The following SVIL variants were observed in gnomAD, a reference collection of about 807,000 sequenced individuals.
The protein encoded by SVIL is supervillin, also known as archvillin.
SVIL carries 101 observed loss-of-function variants against 240.4 expected under a neutral mutation model. The observed-to-expected ratio is 0.42, with a 90% CI of 0.36 to 0.50. The LOEUF (loss-of-function observed/expected upper bound fraction) is 0.50. Ranked by LOEUF, SVIL falls within the 20% of genes least tolerant of loss-of-function variation. The pLI is 0.01. For synonymous variants in SVIL, 999 were observed against 1,100.0 expected (o/e 0.91, Z 1.82); for missense variants, 2,512 against 2,818.7 (o/e 0.89, Z 2.46).
intron 1 of SVIL, among the ~76,000 whole-genome samples, chr10:29,732,872 A>G (rs1379486379): frequency 1.4e-5 from 2 of 148,082 alleles, no homozygotes; most frequent in African/African-American, 2.5e-5. Context: ...TTTTTTTTTT[A>G]ATTCCTACCA....
chr10:29,659,903 C>A (rs539297551), intron 2 of SVIL, among the ~76,000 whole-genome samples: 2 of 152,306 alleles, frequency 1.3e-5, no homozygotes, highest in Non-Finnish European at 1.5e-5. Flanking sequence ...GTAAGCCTCT[C>A]TTTTTCCCCT....
At chr10:29,691,356 C>T (rs111686276) in intron 1 of SVIL, among the ~76,000 whole-genome samples, 3,171 of 151,950 alleles carry the variant, frequency 0.021, 103 homozygotes, top group African/African-American at 0.073. Flanking sequence ...GGACTACAGG[C>T]GCCCACCACC....
At chr10:29,657,798 G>A (rs1369984397) in intron 3 of SVIL, 2 of 152,126 alleles carry the variant, frequency 1.3e-5, no homozygotes, top group South Asian at 2.1e-4. Context: ...TATGTCTATG[G>A]TTCCACACCG....
intron 17 of SVIL, among the ~76,000 whole-genome samples, chr10:29,505,701 A>C (rs1465457746): frequency 6.6e-6 from 1 of 152,240 alleles, no homozygotes. Context: ...GCGTCAACGT[A>C]GGTTCATCAA....
At chr10:29,594,253 A>G (rs1956497047) in intron 1 of SVIL, among the ~76,000 whole-genome samples, 1 of 151,836 alleles carries the variant, frequency 6.6e-6, no homozygotes, top group Non-Finnish European at 1.5e-5. Context: ...GTACATGCAA[A>G]TATTCCAAAA....
At chr10:29,660,893 G>T (rs140565018) in intron 2 of SVIL, among the ~76,000 whole-genome samples, 1 of 151,128 alleles carries the variant, frequency 6.6e-6, no homozygotes, top group Non-Finnish European at 1.5e-5. Context: ...CCTGGGCCGG[G>T]TGTGGTGCCT....
At chr10:29,470,756 TACA>T (rs770823029) in intron 31 of SVIL, among the ~76,000 whole-genome samples, 11 of 152,174 alleles carry the variant, frequency 7.2e-5, no homozygotes, top group Non-Finnish European at 1.3e-4. Flanking sequence ...CCAAGATTTA[TACA>T]ACAAGTTCTA....
chr10:29,540,766 C>T (rs1952087708), intron 6 of SVIL, among the ~76,000 whole-genome samples: 2 of 152,170 alleles, frequency 1.3e-5, no homozygotes, highest in South Asian at 2.1e-4. Context: ...TCTCTAGTGC[C>T]GTTTCCACCG....
At chr10:29,592,298 C>T (rs1956421419) in intron 1 of SVIL, among the ~76,000 whole-genome samples, 1 of 152,218 alleles carries the variant, frequency 6.6e-6, no homozygotes, top group Non-Finnish European at 1.5e-5. Context: ...AACAATGTCA[C>T]TGCTTTTAAG....
At chr10:29,703,210 C>T (rs899541044) in intron 1 of SVIL, among the ~76,000 whole-genome samples, 1 of 152,174 alleles carries the variant, frequency 6.6e-6, no homozygotes, top group African/African-American at 2.4e-5. Flanking sequence ...TTTTTCTCTG[C>T]TGTTTTTAAA....
intron 5 of SVIL, among the ~76,000 whole-genome samples, chr10:29,554,097 G>T (rs769028487): frequency 6.6e-6 from 1 of 152,166 alleles, no homozygotes; most frequent in African/African-American, 2.4e-5. Flanking sequence ...GACATGGAAG[G>T]CCAGATCCGT....
chr10:29,526,753 T>C (rs556097086), intron 13 of SVIL, among the ~76,000 whole-genome samples: 13 of 152,372 alleles, frequency 8.5e-5, no homozygotes, highest in African/African-American at 3.1e-4. Flanking sequence ...ACATAACATA[T>C]GCAGAGAGAC....
intron 26 of SVIL, among the ~76,000 whole-genome samples, chr10:29,485,064 A>G (rs1375957081): frequency 6.6e-6 from 1 of 151,816 alleles, no homozygotes; most frequent in Non-Finnish European, 1.5e-5. Flanking sequence ...TGGCCAGGAT[A>G]ATGTTCCCTC....
At chr10:29,509,378 A>AGAGAGAGAGAGAGG in intron 17 of SVIL, among the ~76,000 whole-genome samples, 1 of 144,770 alleles carries the variant, frequency 6.9e-6, no homozygotes, top group Non-Finnish European at 1.5e-5. Context: ...AGAGAGAGAG[A>AGAGAGAGAGAGAGG]GAATACCCAA....
chr10:29,492,225 A>T (rs1948031205), intron 21 of SVIL, among the ~76,000 whole-genome samples: 1 of 152,040 alleles, frequency 6.6e-6, no homozygotes, highest in Non-Finnish European at 1.5e-5. Flanking sequence ...GGCCACAGTG[A>T]CTGGTTTAGG....
chr10:29,713,673 T>C (rs1963438982), intron 1 of SVIL, among the ~76,000 whole-genome samples: 1 of 152,144 alleles, frequency 6.6e-6, no homozygotes, highest in African/African-American at 2.4e-5. Context: ...TGTGTTCCAA[T>C]AAAACTTTAT....
Position 29,527,038 on chromosome 10 carries a change from C to T in SVIL, c.2265G>A (p.Ser755=), listed in dbSNP as rs139725472. Reference sequence around the variant, plus strand: ...TTACAGGGTGGGTGCCCCCAGAACACGAAGCGGGGATAGGTTCACTTTAAA... The same window carrying T: ...TTACAGGGTGGGTGCCCCCAGAACATGAAGCGGGGATAGGTTCACTTTAAA... ...VIAATEPIPA[S]CSGGTHPVMA... The change falls in exon 13 of 38, where the codon TCG becomes TCA. Residue 755 remains serine, a synonymous_variant. Coordinates refer to ENST00000355867, the MANE Select transcript of SVIL (RefSeq NM_021738.3). 2.7e-5 allele frequency: 44 copies of T among 1,613,646 alleles called. No individual in the cohort carries two copies. The highest frequency in any genetic ancestry group is 2.5e-4 in the African/African-American group (19 of 74,872).
chr10:29,692,534 T>A (rs1961589367), intron 1 of SVIL, among the ~76,000 whole-genome samples: 2 of 152,112 alleles, frequency 1.3e-5, no homozygotes, highest in Non-Finnish European at 2.9e-5. Flanking sequence ...TCAGGAGAGA[T>A]CTGTGATGAT....
chr10:29,657,415 C>T (rs1716042808), intron 3 of SVIL, among the ~76,000 whole-genome samples: 1 of 152,142 alleles, frequency 6.6e-6, no homozygotes, highest in East Asian at 1.9e-4. Context: ...AACTTTAATC[C>T]AATGCTTTCC....
Sources: gnomAD v4.1 joint callset for allele counts (sites outside exome capture counted in the v4.1 genomes callset) on GRCh38, gnomAD v4.1.1 for gene constraint, MANE v1.5 for transcripts, NCBI Gene and HGNC (gene_info 2026-07-23, HGNC 2026-07-21) for gene names.